SRRM4: variants seen among roughly 807,000 people sequenced by gnomAD.
The protein encoded by SRRM4 is serine/arginine repetitive matrix protein 4.
A neutral mutation model predicts 68.9 loss-of-function variants in SRRM4; 33 were observed. The ratio of observed to expected loss-of-function variants is 0.48; its 90% CI spans 0.36 to 0.64. SRRM4 has a LOEUF of 0.64. Among genes scored for constraint, SRRM4 ranks in the 30% least tolerant of loss-of-function variants. The probability of loss-of-function intolerance (pLI) is 0.00; values close to 1 mark genes in which losing one functional copy is unlikely to be tolerated. For missense variants in SRRM4, 817 were observed against 827.1 expected, an observed-to-expected ratio of 0.99 and a Z score of 0.15; for synonymous variants, 318 against 318.8, an observed-to-expected ratio of 1.00 and a Z score of 0.03.
At chr12:119,117,616 G>A (rs375990018) in intron 4 of SRRM4, among the ~76,000 whole-genome samples, 7 of 115,000 alleles carry the variant, frequency 6.1e-5, no homozygotes, top group Non-Finnish European at 8.1e-5. Flanking sequence ...ACACACACAC[G>A]TGTATGTTTA....
chr12:119,046,425 C>G (rs763035554), intron 1 of SRRM4, among the ~76,000 whole-genome samples: 1 of 152,182 alleles, frequency 6.6e-6, no homozygotes, highest in Non-Finnish European at 1.5e-5. Flanking sequence ...CTTAACATCT[C>G]TGCATTTTGG....
Position 118,981,598 on chromosome 12 carries a change from C to T in SRRM4, c.-285C>T. The T allele has an allele frequency of 2.7e-6, 1 of 371,216 alleles. No homozygotes were observed. The allele number at this position is 371,216 out of a possible 1,614,324, so 23.0% of individuals were successfully genotyped here. A position where few individuals can be genotyped will look rare whatever the true frequency, so the allele number is the denominator to read the frequency against. ...TTCTCTCCTGGTGCTGCCCAGAAAG[C>T]CAGCCCTCCCTTCCCTTCTTGGGGC... On this transcript the variant is annotated 5_prime_UTR_variant, in exon 1 of 13. Transcript: ENST00000267260.
chr12:119,069,750 A>G (rs940979973), intron 1 of SRRM4: 3 of 152,186 alleles, frequency 2.0e-5, no homozygotes. Context: ...CTTATTTCTT[A>G]GATGGTGCCT....
chr12:119,137,874 G>C (rs1244512736), intron 8 of SRRM4, among the ~76,000 whole-genome samples: 1 of 152,116 alleles, frequency 6.6e-6, no homozygotes, highest in Non-Finnish European at 1.5e-5. Flanking sequence ...AAAAGTCCAA[G>C]AGGGATTAAA....
At chr12:119,147,102 G>A (rs1018063616) in intron 9 of SRRM4, among the ~76,000 whole-genome samples, 17 of 152,250 alleles carry the variant, frequency 1.1e-4, no homozygotes, top group African/African-American at 3.1e-4. Flanking sequence ...ATTATGATAC[G>A]TCCAGACAAT....
At chr12:119,012,830 G>A (rs188025201) in intron 1 of SRRM4, among the ~76,000 whole-genome samples, 1 of 152,190 alleles carries the variant, frequency 6.6e-6, no homozygotes, top group African/African-American at 2.4e-5. Context: ...TCCTCTGTTT[G>A]GTGATTTTCT....
At chr12:119,027,859 G>T (rs185612646) in intron 1 of SRRM4, among the ~76,000 whole-genome samples, 1 of 152,120 alleles carries the variant, frequency 6.6e-6, no homozygotes, top group African/African-American at 2.4e-5. Flanking sequence ...GTCTGACTTC[G>T]GGGCCTGTAC....
chr12:119,055,910 C>T (rs539765194), intron 1 of SRRM4, among the ~76,000 whole-genome samples: 1 of 152,352 alleles, frequency 6.6e-6, no homozygotes, highest in East Asian at 1.9e-4. Flanking sequence ...GGTGCCTGCC[C>T]TTTCTGCTTC....
rs1353651525 is a variant in SRRM4 at position 119,028,337 on chromosome 12, G to A, written c.131+46324G>A. 2.0e-5 allele frequency among the ~76,000 whole-genome samples: 3 copies of A among 152,102 alleles called. No individual in the cohort carries two copies. The East Asian group carries it at 5.8e-4, about 29-fold the overall frequency. On this transcript the variant is annotated intron_variant, in intron 1 of 12. Transcript: ENST00000267260. ...GAATTGCAGCTCCCACAATTCCCAT[G>A]TATTGTGGGAGGGACCCTGTGAGAG...
intron 1 of SRRM4, among the ~76,000 whole-genome samples, chr12:119,010,715 A>G (rs1953443723): frequency 6.6e-6 from 1 of 152,238 alleles, no homozygotes; most frequent in Non-Finnish European, 1.5e-5. Context: ...AGGAAAAAGG[A>G]GGTGAGTTCA....
intron 1 of SRRM4, among the ~76,000 whole-genome samples, chr12:118,998,546 T>A (rs1220445120): frequency 6.6e-6 from 1 of 152,236 alleles, no homozygotes; most frequent in Non-Finnish European, 1.5e-5. Flanking sequence ...GAACATTTAC[T>A]ACGCTGTTGG....
chr12:119,125,997 C>T (rs1954256756), intron 7 of SRRM4, among the ~76,000 whole-genome samples: 1 of 144,112 alleles, frequency 6.9e-6, no homozygotes, highest in South Asian at 2.2e-4. Context: ...ATAGGAATGA[C>T]AACACCATAC....
intron 1 of SRRM4, among the ~76,000 whole-genome samples, chr12:119,007,178 G>A (rs1021418551): frequency 1.3e-5 from 2 of 152,208 alleles, no homozygotes; most frequent in Non-Finnish European, 2.9e-5. Context: ...ACCATCCATT[G>A]CACATGGAGT....
intron 1 of SRRM4, among the ~76,000 whole-genome samples, chr12:119,032,063 G>A (rs1247684521): frequency 6.6e-6 from 1 of 152,036 alleles, no homozygotes; most frequent in Non-Finnish European, 1.5e-5. Context: ...TAATTTTGTT[G>A]TTTCATTATT....
chr12:119,042,849 C>T (rs746711905), intron 1 of SRRM4, among the ~76,000 whole-genome samples: 5 of 151,728 alleles, frequency 3.3e-5, no homozygotes, highest in Non-Finnish European at 7.4e-5. Context: ...AAAGCAAGGG[C>T]CAGGAGAGAT....
intron 1 of SRRM4, among the ~76,000 whole-genome samples, chr12:119,101,888 TAC>T (rs35920781): frequency 0.19 from 29,658 of 152,118 alleles, 3,531 homozygotes; most frequent in South Asian, 0.26. Context: ...CAAATAAACC[TAC>T]ATCAAAGTGG....
At chr12:119,026,786 C>T (rs11615829) in intron 1 of SRRM4, among the ~76,000 whole-genome samples, 1 of 152,088 alleles carries the variant, frequency 6.6e-6, no homozygotes, top group African/African-American at 2.4e-5. Flanking sequence ...ATCCACCCAC[C>T]TCAGCCTCCC....
chr12:119,014,346 G>A (rs1417132976), intron 1 of SRRM4, among the ~76,000 whole-genome samples: 1 of 152,068 alleles, frequency 6.6e-6, no homozygotes, highest in Admixed American at 6.6e-5. Flanking sequence ...TTTTGGAGAA[G>A]GGATAGGAAT....
intron 1 of SRRM4, among the ~76,000 whole-genome samples, chr12:119,074,036 G>C (rs983331617): frequency 4.6e-5 from 7 of 152,156 alleles, no homozygotes; most frequent in African/African-American, 1.4e-4. Context: ...AAAAGAGCCT[G>C]GCACAGAGTT....
Sources: allele counts gnomAD v4.1 joint callset (sites outside exome capture counted in the v4.1 genomes callset), GRCh38; gene constraint gnomAD v4.1.1; transcripts MANE v1.5; gene names NCBI Gene and HGNC (gene_info 2026-07-23, HGNC 2026-07-21).